Variants in TMTC2 observed in about 807,000 individuals in gnomAD.
TMTC2 encodes the protein protein O-mannosyl-transferase TMTC2.
In TMTC2, 43 loss-of-function variants were observed where a neutral mutation model predicts 82.4. The ratio of observed to expected loss-of-function variants is 0.52; its 90% CI spans 0.41 to 0.67. The LOEUF (loss-of-function observed/expected upper bound fraction) is 0.67. TMTC2 is among the 30% of genes least tolerant of loss of function. The pLI, the probability that TMTC2 is intolerant of heterozygous loss-of-function variation, is 0.00. For missense variants in TMTC2, 919 were observed against 1,012.4 expected (o/e 0.91, Z 1.25); for synonymous variants, 408 against 381.9 (o/e 1.07, Z -0.80).
At chr12:82,847,951 T>G (rs777141015) in intron 1 of TMTC2, among the ~76,000 whole-genome samples, 2 of 152,098 alleles carry the variant, frequency 1.3e-5, no homozygotes, top group Non-Finnish European at 1.5e-5. Context: ...ATAATAATAA[T>G]TTTAAAAAAG....
chr12:82,735,586 C>T (rs1875065559), intron 1 of TMTC2, among the ~76,000 whole-genome samples: 1 of 151,836 alleles, frequency 6.6e-6, no homozygotes. Context: ...ACCTTGTGAT[C>T]CGCCCTCCTT....
chr12:83,107,923 C>T (rs10735462), intron 11 of TMTC2, among the ~76,000 whole-genome samples: 127,552 of 152,104 alleles, frequency 0.84, 53,998 homozygotes, highest in African/African-American at 0.95. Flanking sequence ...TGGGAGGTGA[C>T]TGAATCAAGG....
At chr12:82,798,512 A>T (rs1592530404) in intron 1 of TMTC2, among the ~76,000 whole-genome samples, 1 of 128,620 alleles carries the variant, frequency 7.8e-6, no homozygotes, top group African/African-American at 2.9e-5. Flanking sequence ...AAAAAAAAAG[A>T]TGTAAAGACT....
chr12:83,001,882 G>A (rs907282182), intron 8 of TMTC2, among the ~76,000 whole-genome samples: 1 of 151,926 alleles, frequency 6.6e-6, no homozygotes, highest in Non-Finnish European at 1.5e-5. Flanking sequence ...TTGATAGATC[G>A]TAGCTAGATT....
At chr12:83,055,644 T>C (rs970023414) in intron 10 of TMTC2, among the ~76,000 whole-genome samples, 2 of 151,784 alleles carry the variant, frequency 1.3e-5, no homozygotes, top group Non-Finnish European at 2.9e-5. Context: ...TGAGAGGAAA[T>C]ATAGAGGGAC....
chr12:82,983,795 A>G (rs1879034292), intron 7 of TMTC2, among the ~76,000 whole-genome samples: 2 of 152,072 alleles, frequency 1.3e-5, no homozygotes. Flanking sequence ...TAATCCGTTT[A>G]AGAGATAAAT....
At chr12:82,903,550 T>C (rs546578321) in intron 3 of TMTC2, among the ~76,000 whole-genome samples, 1 of 152,278 alleles carries the variant, frequency 6.6e-6, no homozygotes, top group African/African-American at 2.4e-5. Context: ...TAGCTGGGAC[T>C]ACAGGCGCCC....
intron 1 of TMTC2, among the ~76,000 whole-genome samples, chr12:82,789,615 T>C (rs1326675186): frequency 6.6e-6 from 1 of 152,192 alleles, no homozygotes; most frequent in Non-Finnish European, 1.5e-5. Flanking sequence ...TTCTGATTCA[T>C]GTTCACCTCT....
chr12:82,830,046 C>T (rs1256195763), intron 1 of TMTC2, among the ~76,000 whole-genome samples: 1 of 152,060 alleles, frequency 6.6e-6, no homozygotes, highest in East Asian at 1.9e-4. Context: ...CTTTTTGTCC[C>T]AAGAGCAACG....
At chr12:83,099,921 A>ATT (rs36119477) in intron 11 of TMTC2, among the ~76,000 whole-genome samples, 617 of 149,072 alleles carry the variant, frequency 4.1e-3, no homozygotes, top group African/African-American at 6.2e-3. Flanking sequence ...AAGTTGTATA[A>ATT]TTTTTTTTTT....
At chr12:82,963,418 G>A (rs1168299616) in intron 4 of TMTC2, among the ~76,000 whole-genome samples, 1 of 151,480 alleles carries the variant, frequency 6.6e-6, no homozygotes, top group African/African-American at 2.4e-5. Flanking sequence ...TTCTCCCCTG[G>A]TGCACTTACC....
intron 2 of TMTC2, among the ~76,000 whole-genome samples, chr12:82,883,055 C>CA (rs66496024): frequency 0.024 from 1,617 of 67,886 alleles, 44 homozygotes; most frequent in East Asian, 0.038. Flanking sequence ...AACTTGGTCT[C>CA]AAAAAAAAAA....
chr12:83,043,458 A>G (rs1881970067), intron 9 of TMTC2, among the ~76,000 whole-genome samples: 1 of 152,146 alleles, frequency 6.6e-6, no homozygotes, highest in Non-Finnish European at 1.5e-5. Context: ...GCTTTTCCCC[A>G]TTTCTAATCA....
intron 4 of TMTC2, among the ~76,000 whole-genome samples, chr12:82,931,872 G>A (rs1876050061): frequency 6.6e-6 from 1 of 152,082 alleles, no homozygotes. Flanking sequence ...CTGCAGTTCT[G>A]TGCCGTCTCT....
chr12:83,045,997 C>G (rs998284374), intron 9 of TMTC2, among the ~76,000 whole-genome samples: 10 of 152,104 alleles, frequency 6.6e-5, no homozygotes, highest in Non-Finnish European at 1.3e-4. Flanking sequence ...CTCACACTTG[C>G]CTTTCAAGTC....
chr12:82,697,464 A>G (rs1453913223), intron 1 of TMTC2, among the ~76,000 whole-genome samples: 1 of 152,144 alleles, frequency 6.6e-6, no homozygotes, highest in Non-Finnish European at 1.5e-5. Flanking sequence ...ATTTAAATGT[A>G]TTACAGATAA....
At chr12:82,804,418 C>A (rs1020133285) in intron 1 of TMTC2, among the ~76,000 whole-genome samples, 1 of 152,048 alleles carries the variant, frequency 6.6e-6, no homozygotes, top group African/African-American at 2.4e-5. Flanking sequence ...ATTTCTGTTA[C>A]CTAGAAACTT....
intron 8 of TMTC2, among the ~76,000 whole-genome samples, chr12:83,002,391 T>C (rs1879967879): frequency 1.3e-5 from 2 of 152,174 alleles, no homozygotes; most frequent in Non-Finnish European, 2.9e-5. Context: ...GTTTATTCTT[T>C]CAAAAAACCA....
chr12:83,053,369 G>A (rs1882423426), intron 10 of TMTC2, among the ~76,000 whole-genome samples: 1 of 152,058 alleles, frequency 6.6e-6, no homozygotes, highest in Non-Finnish European at 1.5e-5. Context: ...TGGTTCGCTA[G>A]ATAAGTGGTT....
Sources: allele counts gnomAD v4.1 joint callset (sites outside exome capture counted in the v4.1 genomes callset), GRCh38; gene constraint gnomAD v4.1.1; transcripts MANE v1.5; gene names NCBI Gene and HGNC (gene_info 2026-07-23, HGNC 2026-07-21).